Variants in PTCHD1 observed in about 807,000 individuals in gnomAD.
PTCHD1 encodes patched domain-containing protein 1.
Under a neutral mutation model 34.6 loss-of-function variants are expected in PTCHD1, and 3 were observed. That is an observed-to-expected ratio of 0.09 (90% CI 0.04 to 0.22). PTCHD1 has a LOEUF of 0.22. Among genes scored for constraint, PTCHD1 ranks in the 10% least tolerant of loss-of-function variants. PTCHD1 has a pLI of 1.00. For missense variants in PTCHD1, 504 were observed against 685.5 expected (o/e 0.74, Z 2.96); for synonymous variants, 305 against 283.1 (o/e 1.08, Z -0.77).
In PTCHD1 at chrX:23,398,126, G is replaced by A. The variant is rs1923036221; in HGVS notation, c.*3941G>A. Reference sequence around the variant, plus strand: ...AGTCTACCTTTGAGTGACATTGCAGGTATATTGTGGGGATTGAATGAGATG... The same window carrying A: ...AGTCTACCTTTGAGTGACATTGCAGATATATTGTGGGGATTGAATGAGATG... On this transcript the variant is annotated 3_prime_UTR_variant, in exon 3 of 3. Coordinates refer to ENST00000379361, the MANE Select transcript of PTCHD1 (RefSeq NM_173495.3). 1 of 111,337 alleles carries A rather than the reference G, an allele frequency of 9.0e-6. No individual in the cohort carries two copies. Among genetic ancestry groups the A allele is most frequent in the Non-Finnish European group, 1.9e-5 (1 of 53,119 alleles). 9.2% of individuals were successfully genotyped at this position (111,337 alleles called of 1,213,427 possible).
rs1280166721 is a variant in PTCHD1 at position 23,342,295 on chromosome X, TATATATATATA to T, written c.351+7070_351+7080del. On this transcript the variant is annotated intron_variant, in intron 1 of 2. Transcript: ENST00000379361. ...ATATATATATATATATATATATATA[TATATATATATA>T]TATATTTTTTTTTTTTTTTTTTTTT... Among the ~76,000 whole-genome samples the T allele has an allele frequency of 8.0e-4, 6 of 7,537 alleles. No homozygotes were observed. In the East Asian group the frequency reaches 0.036, roughly 46 times the overall value. 6.5% of individuals were successfully genotyped at this position (7,537 alleles called of 115,157 possible).
intron 1 of PTCHD1, among the ~76,000 whole-genome samples, chrX:23,375,691 C>T (rs925655277): frequency 9.0e-6 from 1 of 111,624 alleles, no homozygotes; most frequent in Non-Finnish European, 1.9e-5. Context: ...TCAGGTCTGC[C>T]CTTATTTACT....
chrX:23,342,011 A>G (rs1921322640), intron 1 of PTCHD1, among the ~76,000 whole-genome samples: 1 of 109,389 alleles, frequency 9.1e-6, no homozygotes, highest in Admixed American at 9.9e-5. Flanking sequence ...GAAAAGGCTG[A>G]TAGGGGAGTG....
rs141130847 is a variant in PTCHD1 at position 23,392,775 on chromosome X, G to A, written c.1257G>A (p.Ser419=). 5.8e-6 allele frequency: 7 copies of A among 1,211,245 alleles called. No homozygotes were observed. Among genetic ancestry groups the A allele is most frequent in the Middle Eastern group, 2.3e-4 (1 of 4,351 alleles). ...AIFFNYLYVL[S]FYGSSLVFTG... is the part of the protein sequence containing the mutation. ...TCTTCAACTACCTCTATGTACTCTCGTTTTATGGTTCCAGCCTAGTGTTCA... is the reference window on the plus strand; with the variant it reads ...TCTTCAACTACCTCTATGTACTCTCATTTTATGGTTCCAGCCTAGTGTTCA... Residue 419 remains serine (S), a synonymous_variant, in exon 3 of 3, where the codon TCG becomes TCA. Coordinates refer to ENST00000379361, the MANE Select transcript of PTCHD1 (RefSeq NM_173495.3).
At chrX:23,343,436 C>T (rs1921394404) in intron 1 of PTCHD1, among the ~76,000 whole-genome samples, 1 of 111,969 alleles carries the variant, frequency 8.9e-6, no homozygotes, top group African/African-American at 3.3e-5. Context: ...CCCAAGTCCC[C>T]ACACTACACA....
chrX:23,392,802 T>G lies in PTCHD1; in HGVS notation c.1284T>G (p.Thr428=), dbSNP rs1216221666. The G allele has an allele frequency of 1.7e-6, 2 of 1,210,221 alleles. No homozygotes were observed. Among genetic ancestry groups the G allele is most frequent in the Non-Finnish European group, 2.2e-6 (2 of 894,895 alleles). Residue 428 remains threonine, a synonymous_variant, in exon 3 of 3, where the codon ACT becomes ACG. Coordinates refer to ENST00000379361, the MANE Select transcript of PTCHD1 (RefSeq NM_173495.3). ...LSFYGSSLVF[T]GYIENNYQHS... ...TTTATGGTTCCAGCCTAGTGTTCAC[T>G]GGCTACATAGAAAACAATTACCAGC...
intron 2 of PTCHD1, among the ~76,000 whole-genome samples, chrX:23,380,559 G>A (rs1922535518): frequency 9.0e-6 from 1 of 111,346 alleles, no homozygotes; most frequent in African/African-American, 3.3e-5. Flanking sequence ...CATAAGCAGG[G>A]CCCTGAGAAA....
Position 23,400,749 on chromosome X carries a change from ATCT to A in PTCHD1, c.*6568_*6570del, listed in dbSNP as rs1489546550. 3.6e-5 allele frequency: 4 copies of A among 112,132 alleles called. No homozygotes were observed. In the East Asian group the frequency reaches 1.1e-3, roughly 31 times the overall value. The allele number at this position is 112,132 out of a possible 1,213,427, so 9.2% of individuals were successfully genotyped here. On this transcript the variant is annotated 3_prime_UTR_variant, in exon 3 of 3. Transcript: ENST00000379361. Reference sequence around the variant, plus strand: ...ATGGCTGATCAGTGGCCCTTCCATCATCTTCTGCCCAGCCATGATAAGGAAAGC... The same window carrying A: ...ATGGCTGATCAGTGGCCCTTCCATCATCTGCCCAGCCATGATAAGGAAAGC...
intron 1 of PTCHD1, among the ~76,000 whole-genome samples, chrX:23,370,402 A>G (rs761998374): frequency 8.9e-6 from 1 of 111,764 alleles, no homozygotes; most frequent in African/African-American, 3.3e-5. Context: ...GCCCTGTGAG[A>G]CCTCTTTTCA....
chrX:23,365,887 C>T (rs775586001), intron 1 of PTCHD1, among the ~76,000 whole-genome samples: 2 of 112,426 alleles, frequency 1.8e-5, no homozygotes, highest in South Asian at 3.7e-4. Context: ...CCAGGAACTT[C>T]TCTGCTTGTA....
chrX:23,366,922 A>G (rs1195472647), intron 1 of PTCHD1, among the ~76,000 whole-genome samples: 1 of 25,455 alleles, frequency 3.9e-5, no homozygotes, highest in Non-Finnish European at 7.6e-5. Context: ...TGCTCCTGGT[A>G]CACACACACA....
chrX:23,377,902 A>G (rs777689077), intron 1 of PTCHD1, among the ~76,000 whole-genome samples: 6 of 111,897 alleles, frequency 5.4e-5, no homozygotes, highest in Non-Finnish European at 9.4e-5. Context: ...ATATATCAGG[A>G]TCATGGAGAA....
At chrX:23,358,509 G>A (rs1212465446) in intron 1 of PTCHD1, among the ~76,000 whole-genome samples, 2 of 111,747 alleles carry the variant, frequency 1.8e-5, no homozygotes, top group African/African-American at 3.3e-5. Flanking sequence ...TTTTTTTCTT[G>A]TAAATTTGTT....
intron 2 of PTCHD1, among the ~76,000 whole-genome samples, chrX:23,386,910 T>C (rs1311935510): frequency 8.9e-6 from 1 of 112,510 alleles, no homozygotes; most frequent in Non-Finnish European, 1.9e-5. Context: ...AGCCATTCCT[T>C]ACTTTGAGGA....
chrX:23,380,990 T>A (rs772189549), intron 2 of PTCHD1, among the ~76,000 whole-genome samples: 1 of 111,986 alleles, frequency 8.9e-6, no homozygotes, highest in South Asian at 3.8e-4. Flanking sequence ...GGAGGGCATG[T>A]TGGGTTGGCA....
intron 1 of PTCHD1, among the ~76,000 whole-genome samples, chrX:23,352,590 C>T (rs2141241): frequency 0.54 from 59,711 of 110,108 alleles, 13,916 homozygotes; most frequent in African/African-American, 0.89. Flanking sequence ...CCTAGAATGG[C>T]TTAAATAGAG....
chrX:23,355,513 T>G (rs1921779804), intron 1 of PTCHD1, among the ~76,000 whole-genome samples: 1 of 113,025 alleles, frequency 8.8e-6, no homozygotes, highest in Non-Finnish European at 1.9e-5. Flanking sequence ...CCTCATAATA[T>G]AAGCACATCA....
intron 1 of PTCHD1, 121 bp downstream of exon 1, chrX:23,335,347 T>A: frequency 1.7e-6 from 1 of 571,618 alleles, no homozygotes; most frequent in East Asian, 3.6e-5. Context: ...CCGCAGGGAC[T>A]CTCCTGCACC....
intron 1 of PTCHD1, among the ~76,000 whole-genome samples, chrX:23,354,115 G>A (rs1460820392): frequency 9.0e-6 from 1 of 111,367 alleles, no homozygotes; most frequent in Non-Finnish European, 1.9e-5. Context: ...AGGGCTTACA[G>A]GGGCTAGATC....
Sources: allele counts gnomAD v4.1 joint callset (sites outside exome capture counted in the v4.1 genomes callset), GRCh38; gene constraint gnomAD v4.1.1; transcripts MANE v1.5; gene names NCBI Gene and HGNC (gene_info 2026-07-23, HGNC 2026-07-21).